SLAIN1: variants seen among roughly 807,000 people sequenced by gnomAD.
The protein encoded by SLAIN1 is SLAIN family member 1.
In SLAIN1, 17 loss-of-function variants were observed where a neutral mutation model predicts 55.4. That is an observed-to-expected ratio of 0.31 (90% confidence interval 0.21 to 0.46). The LOEUF (loss-of-function observed/expected upper bound fraction) is 0.46. SLAIN1 is among the 20% of genes least tolerant of loss of function. SLAIN1 has a pLI of 1.00. For missense variants in SLAIN1, 682 were observed against 785.1 expected, an observed-to-expected ratio of 0.87 and a Z score of 1.57; for synonymous variants, 348 against 337.4, an observed-to-expected ratio of 1.03 and a Z score of -0.35.
chr13:77,741,216 G>T (rs1873413066), intron 2 of SLAIN1: 2 of 986,036 alleles, frequency 2.0e-6, no homozygotes, highest in Non-Finnish European at 1.2e-6. Flanking sequence ...TGTTAGGCAA[G>T]ATAGCAGTCA....
intron 2 of SLAIN1, among the ~76,000 whole-genome samples, chr13:77,720,301 T>C (rs1338127856): frequency 6.6e-6 from 1 of 152,116 alleles, no homozygotes; most frequent in Admixed American, 6.6e-5. Context: ...TCTCTTAACC[T>C]CTGGGCATCT....
intron 2 of SLAIN1, chr13:77,743,236 C>A: frequency 2.6e-6 from 3 of 1,156,254 alleles, no homozygotes; most frequent in Admixed American, 2.7e-5. Flanking sequence ...AAATATTCAT[C>A]TTTCATTTGA....
intron 2 of SLAIN1, among the ~76,000 whole-genome samples, chr13:77,722,385 A>G (rs1207237254): frequency 6.6e-6 from 1 of 151,866 alleles, no homozygotes; most frequent in Non-Finnish European, 1.5e-5. Flanking sequence ...TTTATAAAAT[A>G]TAGTTTAAAA....
chr13:77,759,043 G>C (rs1478763066), intron 5 of SLAIN1, among the ~76,000 whole-genome samples: 2 of 152,034 alleles, frequency 1.3e-5, no homozygotes, highest in African/African-American at 2.4e-5. Flanking sequence ...CATTTTCACA[G>C]TATTGATTCT....
chr13:77,722,140 G>A (rs118166379), intron 2 of SLAIN1, among the ~76,000 whole-genome samples: 4 of 152,030 alleles, frequency 2.6e-5, no homozygotes, highest in Non-Finnish European at 4.4e-5. Context: ...CTGGCATACT[G>A]CAGTTTTGTT....
At chr13:77,721,616 A>T (rs577244142) in intron 2 of SLAIN1, among the ~76,000 whole-genome samples, 1 of 152,156 alleles carries the variant, frequency 6.6e-6, no homozygotes, top group South Asian at 2.1e-4. Context: ...GGAGATAGAT[A>T]GTCAATATTT....
At chr13:77,750,481 A>T (rs1217008189) in intron 4 of SLAIN1, among the ~76,000 whole-genome samples, 2 of 152,168 alleles carry the variant, frequency 1.3e-5, no homozygotes, top group African/African-American at 4.8e-5. Flanking sequence ...TAGTCAAAAG[A>T]TCTAGATATG....
intron 2 of SLAIN1, among the ~76,000 whole-genome samples, chr13:77,738,249 C>T (rs1205662552): frequency 2.2e-5 from 2 of 90,786 alleles, no homozygotes; most frequent in South Asian, 3.1e-4. Flanking sequence ...TATATATACA[C>T]ATATATACAT....
chr13:77,741,607 T>C, intron 2 of SLAIN1: 1 of 184,644 alleles, frequency 5.4e-6, no homozygotes, highest in Non-Finnish European at 1.0e-5. Context: ...ATGTAATTGT[T>C]AGAATGTGTT....
At chr13:77,712,630 C>G (rs1396739000) in intron 1 of SLAIN1, among the ~76,000 whole-genome samples, 1 of 152,154 alleles carries the variant, frequency 6.6e-6, no homozygotes, top group Non-Finnish European at 1.5e-5. Context: ...AATGGCCATA[C>G]TGCCCAAAGT....
At chr13:77,705,569 C>T (rs1475805541) in intron 1 of SLAIN1, among the ~76,000 whole-genome samples, 1 of 151,560 alleles carries the variant, frequency 6.6e-6, no homozygotes, top group Non-Finnish European at 1.5e-5. Flanking sequence ...ATGTTACTTG[C>T]ATTCTAATGA....
At chr13:77,740,591 G>A (rs938665953) in intron 2 of SLAIN1, among the ~76,000 whole-genome samples, 8 of 141,714 alleles carry the variant, frequency 5.6e-5, no homozygotes, top group African/African-American at 1.8e-4. Context: ...TTTAACTGTT[G>A]TTCAAAAATG....
chr13:77,717,129 T>C (rs1404997649), intron 1 of SLAIN1, among the ~76,000 whole-genome samples: 1 of 152,186 alleles, frequency 6.6e-6, no homozygotes, highest in Non-Finnish European at 1.5e-5. Context: ...ATCTGATAAG[T>C]TATATTGATG....
chr13:77,709,245 C>T lies in SLAIN1; in HGVS notation c.627-10287C>T, dbSNP rs1042025723. ...AAATGAAAAGGAATTAACAAAGCCT[C>T]CAAGAAATATGGGACTATGTGAAAA... On this transcript the variant is annotated intron_variant, in intron 1 of 6. Coordinates refer to ENST00000418532, the MANE Select transcript of SLAIN1 (RefSeq NM_001242868.2). Among the ~76,000 whole-genome samples the T allele has an allele frequency of 2.0e-5, 3 of 152,106 alleles. No individual in the cohort carries two copies. The East Asian group carries it at 5.8e-4, about 29-fold the overall frequency.
intron 3 of SLAIN1, among the ~76,000 whole-genome samples, chr13:77,745,812 A>G (rs756086220): frequency 5.9e-5 from 9 of 152,150 alleles, no homozygotes; most frequent in Non-Finnish European, 1.3e-4. Flanking sequence ...TATATGGCTA[A>G]AAGATTGTAT....
chr13:77,744,173 T>C, intron 2 of SLAIN1, 110 bp from the exon 3 acceptor site: 1 of 825,050 alleles, frequency 1.2e-6, no homozygotes, highest in South Asian at 1.4e-5. Flanking sequence ...TGGTGATTTT[T>C]GTAACATGAA....
intron 2 of SLAIN1, among the ~76,000 whole-genome samples, chr13:77,730,752 C>CGGGTGT (rs1223621692): frequency 1.3e-5 from 2 of 152,046 alleles, no homozygotes. Context: ...TTGCTGTCAT[C>CGGGTGT]GGGTGTGTCC....
chr13:77,742,931 T>TTA, intron 2 of SLAIN1: 1 of 868,242 alleles, frequency 1.2e-6, no homozygotes, highest in Non-Finnish European at 1.4e-6. Flanking sequence ...TTTTTTTTTT[T>TTA]TTTATTCTCT....
intron 1 of SLAIN1, among the ~76,000 whole-genome samples, chr13:77,707,631 C>A (rs1426667372): frequency 6.6e-6 from 1 of 152,082 alleles, no homozygotes; most frequent in African/African-American, 2.4e-5. Context: ...GGTAGCCAGG[C>A]CACATTCAAG....
Sources: allele counts gnomAD v4.1 joint callset (sites outside exome capture counted in the v4.1 genomes callset), GRCh38; gene constraint gnomAD v4.1.1; transcripts MANE v1.5; gene names NCBI Gene and HGNC (gene_info 2026-07-23, HGNC 2026-07-21).